SBF1: variants seen among roughly 807,000 people sequenced by gnomAD.
The protein encoded by SBF1 is myotubularin-related protein 5.
Under a neutral mutation model 215.8 loss-of-function variants are expected in SBF1, and 65 were observed. The ratio of observed to expected loss-of-function variants is 0.30; its 90% CI spans 0.25 to 0.37. The LOEUF (loss-of-function observed/expected upper bound fraction) is 0.37, where lower values mean the gene tolerates loss of function less well. Ranked by LOEUF, SBF1 falls within the 10% of genes least tolerant of loss-of-function variation. The pLI is 1.00. For synonymous variants in SBF1, 1,410 were observed against 1,122.8 expected (o/e 1.26, Z -5.11); for missense variants, 2,634 against 2,667.8 (o/e 0.99, Z 0.28).
chr22:50,475,020 G>T lies in SBF1; in HGVS notation c.-180C>A, dbSNP rs1220736909. 4.9e-6 allele frequency: 1 copy of T among 205,104 alleles called. No individual in the cohort carries two copies. Among genetic ancestry groups the T allele is most frequent in the Non-Finnish European group, 8.9e-6 (1 of 112,968 alleles). 12.7% of individuals were successfully genotyped at this position (205,104 alleles called of 1,614,324 possible). A position where few individuals can be genotyped will look rare whatever the true frequency, so the allele number is the denominator to read the frequency against. Reference sequence around the variant, plus strand: ...CCAGGTTCCCGCCGCCATCTTCCCAGCCAGCCGGCCCGCCCGGGCGCGCCG... The same window carrying T: ...CCAGGTTCCCGCCGCCATCTTCCCATCCAGCCGGCCCGCCCGGGCGCGCCG... On this transcript the variant is annotated 5_prime_UTR_variant, in exon 1 of 41. It adds an upstream start codon to the 5' untranslated region. Coordinates refer to ENST00000380817, the MANE Select transcript of SBF1 (RefSeq NM_002972.4).
In SBF1 at chr22:50,459,557, G is replaced by T. The variant is rs1232684184; in HGVS notation, c.3601C>A (p.Arg1201=). Residue 1201 remains arginine, a synonymous_variant, in exon 27 of 41, where the codon CGG becomes AGG. Transcript: ENST00000380817. ...GAGCGCAGCAGCACCGCCTTGGACC[G>T]CCCGCTGCGCCAGCAGACCACGGGG... is the stretch of plus-strand genomic sequence containing the variant. ...RFPVVCWRSG[R]SKAVLLRSGG... is the part of the protein sequence containing the mutation. The T allele has an allele frequency of 2.5e-6, 4 of 1,608,636 alleles. No homozygotes were observed. Among genetic ancestry groups the T allele is most frequent in the Non-Finnish European group, 3.4e-6 (4 of 1,179,038 alleles).
In SBF1 at chr22:50,448,637, A is replaced by T; in HGVS notation, c.5057T>A (p.Leu1686Gln). ...ISRLLEELQR[L>Q]ETELGQPAER... ...AGCGGGTTGGCCCAACTCTGTCTCC[A>T]GCCTCTGCAGCTCCTGGGGGAAGAA... The change falls in exon 37 of 41, where the codon CTG (leucine) becomes CAG (glutamine). Residue 1686 changes from leucine to glutamine, a missense_variant. Coordinates refer to ENST00000380817, the MANE Select transcript of SBF1 (RefSeq NM_002972.4). 1 of 1,610,810 alleles carries T rather than the reference A, an allele frequency of 6.2e-7. No individual in the cohort carries two copies. Among genetic ancestry groups the T allele is most frequent in the Non-Finnish European group, 8.5e-7 (1 of 1,179,618 alleles).
intron 36 of SBF1, 45 bp from the exon 37 acceptor site, chr22:50,448,695 A>C (rs777966263): frequency 1.4e-6 from 2 of 1,464,406 alleles, no homozygotes; most frequent in Admixed American, 3.4e-5. Flanking sequence ...GGAAATATCC[A>C]GACTAGAGCA....
intron 1 of SBF1, 145 bp from the exon 2 acceptor site, chr22:50,468,606 T>C: frequency 1.7e-6 from 1 of 592,182 alleles, no homozygotes. Flanking sequence ...TAGCTCCGTA[T>C]GGAGAGTCTG....
intron 15 of SBF1, among the ~76,000 whole-genome samples, 193 bp from the exon 16 acceptor site, chr22:50,463,625 A>G (rs1169845120): frequency 6.6e-6 from 1 of 152,250 alleles, no homozygotes; most frequent in African/African-American, 2.4e-5. Context: ...CAAGTTCACC[A>G]GGCCAGACAC....
At position 50,465,806 on chromosome 22, in the gene SBF1, G is replaced by A. The variant is rs2148600043; in HGVS notation, c.1046C>T (p.Ala349Val). The change falls in exon 10 of 41, where the codon GCC (alanine) becomes GTC (valine). Residue 349 changes from alanine to valine, a missense_variant. Transcript: ENST00000380817. ...LDPELELADL[A>V]FPPPTTSTSS... ...GGTGGATGTCGTGGGCGGAGGGAAG[G>A]CGAGGTCAGCCAACTCCAGCTCCGG... is the stretch of plus-strand genomic sequence containing the variant. 1.2e-6 allele frequency: 2 copies of A among 1,611,900 alleles called. No individual in the cohort carries two copies. The highest frequency in any genetic ancestry group is 8.5e-7 in the Non-Finnish European group (1 of 1,179,484).
Position 50,467,541 on chromosome 22 carries a change from C to G in SBF1, c.429G>C (p.Glu143Asp). Residue 143 changes from glutamate (E) to aspartate (D), a missense_variant, in exon 4 of 41, where the codon GAG becomes GAC. Glu to Asp is a conservative substitution (Grantham distance 45). Coordinates refer to ENST00000380817, the MANE Select transcript of SBF1 (RefSeq NM_002972.4). Reference sequence around the variant, plus strand: ...CGGCTGCCGGCCTCACCCTGAACACCTCCGTGTGGTCGAGTCGCGACACCA... The same window carrying G: ...CGGCTGCCGGCCTCACCCTGAACACGTCCGTGTGGTCGAGTCGCGACACCA... ...LVLVSRLDHT[E>D]VFRNSLGLIY... 1.9e-6 allele frequency: 3 copies of G among 1,614,142 alleles called. No individual in the cohort carries two copies. The highest frequency in any genetic ancestry group is 2.5e-6 in the Non-Finnish European group (3 of 1,180,004).
intron 1 of SBF1, among the ~76,000 whole-genome samples, chr22:50,469,570 A>G (rs1381371352): frequency 6.6e-6 from 1 of 152,210 alleles, no homozygotes; most frequent in Non-Finnish European, 1.5e-5. Context: ...AGGATGGAGC[A>G]GGTGCAGCAG....
rs1441980190 is a variant in SBF1, at chr22:50,474,942, C to G, written c.-102G>C. On this transcript the variant is annotated 5_prime_UTR_variant, in exon 1 of 41. Transcript: ENST00000380817. ...CCCGGCCCCGGCCCTGGACCGCGCA[C>G]CCCGGACACCCCTGGTTCGCTCCGC... 2 of 787,706 alleles carry G rather than the reference C, an allele frequency of 2.5e-6. No individual in the cohort carries two copies. Among genetic ancestry groups the G allele is most frequent in the Non-Finnish European group, 1.7e-6 (1 of 593,600 alleles). 48.8% of individuals were successfully genotyped at this position (787,706 alleles called of 1,614,324 possible).
rs551761301 is a variant in SBF1 at position 50,455,148 on chromosome 22, C to T, written c.4555-6G>A. ...ATGGGGAACTGCAGGTGGACCTGCACGCCATGTGGGTCAGGGGCCAGGGCT... is the reference window on the plus strand; with the variant it reads ...ATGGGGAACTGCAGGTGGACCTGCATGCCATGTGGGTCAGGGGCCAGGGCT... On this transcript the variant is annotated splice_polypyrimidine_tract_variant and splice_region_variant and intron_variant, in intron 33 of 40. Coordinates refer to ENST00000380817, the MANE Select transcript of SBF1 (RefSeq NM_002972.4). The T allele has an allele frequency of 1.5e-4, 248 of 1,614,040 alleles. 2 individuals are homozygous for T. Among genetic ancestry groups the T allele is most frequent in the South Asian group, 9.0e-4 (82 of 91,092 alleles).
Position 50,448,539 on chromosome 22 carries a change from TCA to T in SBF1, c.5151+2_5151+3del. The T allele has an allele frequency of 6.2e-7, 1 of 1,611,990 alleles. No homozygotes were observed. The highest frequency in any genetic ancestry group is 8.5e-7 in the Non-Finnish European group (1 of 1,179,398). On this transcript the variant is annotated splice_donor_variant and splice_donor_region_variant and intron_variant, in intron 37 of 40. Transcript: ENST00000380817. LOFTEE classifies it high-confidence loss of function. ...CGTGGACGCTCACACTGGCCCTCAC[TCA>T]CACGGCCGTCTGGCCGGCCCTCGAG...
At chr22:50,452,725 A>C (rs1217019464) in intron 36 of SBF1, among the ~76,000 whole-genome samples, 5 of 10,426 alleles carry the variant, frequency 4.8e-4, no homozygotes, top group Non-Finnish European at 2.0e-3. Flanking sequence ...CCATCTCTCA[A>C]AAAAAAAAAA....
Position 50,461,987 on chromosome 22 carries a change from G to A in SBF1, c.2529C>T (p.Val843=), listed in dbSNP as rs1294878135. ...FVDKVCTESG[V]TSDHLKGLHV... ...GCAGCCCCTTGAGGTGGTCGCTGGT[G>A]ACCCCACTCTCCGTGCAGACCTTGT... Residue 843 remains valine (V), a synonymous_variant, in exon 20 of 41, where the codon GTC becomes GTT. Coordinates refer to ENST00000380817, the MANE Select transcript of SBF1 (RefSeq NM_002972.4). 6.2e-7 allele frequency: 1 copy of A among 1,614,106 alleles called. No individual in the cohort carries two copies. Among genetic ancestry groups the A allele is most frequent in the Non-Finnish European group, 8.5e-7 (1 of 1,180,050 alleles).
chr22:50,462,391 A>G lies in SBF1; in HGVS notation c.2210T>C (p.Leu737Pro). ...CAGCTCCTGCTGCTTCTCACGACTC[A>G]GAGTTGGCCACAAGCGCCGCTGCTC... ...ASEQRRLWPT[L>P]SREKQQELVQ... Residue 737 changes from leucine (L) to proline (P), a missense_variant, in exon 19 of 41, where the codon CTG (leucine) becomes CCG (proline). Coordinates refer to ENST00000380817, the MANE Select transcript of SBF1 (RefSeq NM_002972.4). 1.2e-6 allele frequency: 2 copies of G among 1,614,046 alleles called. No individual in the cohort carries two copies.
chr22:50,466,760 A>G, intron 5 of SBF1, 50 bp from the exon 6 acceptor site: 6 of 1,326,024 alleles, frequency 4.5e-6, no homozygotes, highest in Non-Finnish European at 6.2e-6. Context: ...GAGCCAGCCC[A>G]GAGTCAGCCC....
chr22:50,448,171 G>C (rs1486810500), intron 38 of SBF1, 62 bp downstream of exon 38: 2 of 1,524,094 alleles, frequency 1.3e-6, no homozygotes, highest in East Asian at 4.5e-5. Flanking sequence ...CCAGAGGACT[G>C]CCTGGGACCC....
chr22:50,470,769 G>A (rs1052695063), intron 1 of SBF1, among the ~76,000 whole-genome samples: 2 of 152,186 alleles, frequency 1.3e-5, no homozygotes, highest in African/African-American at 4.8e-5. Flanking sequence ...CACCCAACAA[G>A]CAAACAGGTT....
At chr22:50,462,828 AG>A (rs781173161) in intron 17 of SBF1, 41 bp downstream of exon 17, 5 of 1,605,716 alleles carry the variant, frequency 3.1e-6, no homozygotes, top group South Asian at 2.2e-5. Flanking sequence ...GCCACCAGGA[AG>A]GGGGGGCTGG....
At chr22:50,463,817 A>T (rs1203358766) in intron 15 of SBF1, among the ~76,000 whole-genome samples, 1 of 152,220 alleles carries the variant, frequency 6.6e-6, no homozygotes, top group African/African-American at 2.4e-5. Context: ...GTTCATCACA[A>T]AACTGGCCGC....
Sources: gnomAD v4.1 joint callset for allele counts (sites outside exome capture counted in the v4.1 genomes callset) on GRCh38, gnomAD v4.1.1 for gene constraint, MANE v1.5 for transcripts, NCBI Gene and HGNC (gene_info 2026-07-23, HGNC 2026-07-21) for gene names.